Variants in MARCHF3 observed in about 807,000 individuals in gnomAD.
MARCHF3 encodes the protein membrane associated ring-CH-type finger 3.
A neutral mutation model predicts 24.2 loss-of-function variants in MARCHF3; 13 were observed. That is an observed-to-expected ratio of 0.54 (90% CI 0.35 to 0.85). MARCHF3 has a LOEUF of 0.85. Among genes scored for constraint, MARCHF3 ranks in the 40% least tolerant of loss-of-function variants. MARCHF3 has a pLI of 0.01. For synonymous variants in MARCHF3, 144 were observed against 137.3 expected (o/e 1.05, Z -0.34); for missense variants, 276 against 325.0 (o/e 0.85, Z 1.16).
At chr5:126,887,704 T>TCAGAAATAC (rs2126773196) in intron 3 of MARCHF3, among the ~76,000 whole-genome samples, 1 of 152,296 alleles carries the variant, frequency 6.6e-6, no homozygotes, top group Admixed American at 6.5e-5. Flanking sequence ...TCTTCCTGCC[T>TCAGAAATAC]CAGAAATACC....
rs188644258 is a variant in MARCHF3, at chr5:126,868,464, C to T, written c.*2169G>A. The T allele has an allele frequency of 1.1e-4, 16 of 152,360 alleles. No individual in the cohort carries two copies. Among genetic ancestry groups the T allele is most frequent in the Non-Finnish European group, 2.2e-4 (15 of 68,068 alleles). The allele number at this position is 152,360 out of a possible 1,614,324, so 9.4% of individuals were successfully genotyped here. A position where few individuals can be genotyped will look rare whatever the true frequency, so the allele number is the denominator to read the frequency against. ...GCAAACACGAAGGAAAGAGGTGTGGCACAGGCACAGTTTTAATGTGCAAAC... is the reference window on the plus strand; with the variant it reads ...GCAAACACGAAGGAAAGAGGTGTGGTACAGGCACAGTTTTAATGTGCAAAC... On this transcript the variant is annotated 3_prime_UTR_variant, in exon 5 of 5. Coordinates refer to ENST00000308660, the MANE Select transcript of MARCHF3 (RefSeq NM_178450.5).
At chr5:126,934,218 CT>C (rs1561435158) in intron 1 of MARCHF3, among the ~76,000 whole-genome samples, 1 of 151,980 alleles carries the variant, frequency 6.6e-6, no homozygotes, top group Non-Finnish European at 1.5e-5. Flanking sequence ...GGACCCATTG[CT>C]TTTTCACAAG....
At chr5:126,958,768 G>A (rs1413010697) in intron 1 of MARCHF3, among the ~76,000 whole-genome samples, 2 of 152,106 alleles carry the variant, frequency 1.3e-5, no homozygotes, top group African/African-American at 4.8e-5. Context: ...ACGGCCATTT[G>A]ACTGATTTTT....
intron 1 of MARCHF3, among the ~76,000 whole-genome samples, chr5:126,920,443 C>T (rs1749069843): frequency 6.6e-6 from 1 of 152,192 alleles, no homozygotes; most frequent in African/African-American, 2.4e-5. Context: ...CTTCACAAGG[C>T]AGCCATAGAT....
rs936112416 is a variant in MARCHF3, at chr5:126,918,747, T to G, written c.-56-520A>C. ...TTGGCCAAGTATTAATAGTATGTTC[T>G]AGGACAATATTTGCCAAACATGAAT... is the stretch of plus-strand genomic sequence containing the variant. On this transcript the variant is annotated intron_variant, in intron 1 of 4. Transcript: ENST00000308660. Among the ~76,000 whole-genome samples the G allele has an allele frequency of 7.9e-5, 12 of 152,370 alleles. No homozygotes were observed. The South Asian group carries it at 1.9e-3, about 24-fold the overall frequency.
At chr5:127,008,941 G>GC (rs1752398585) in intron 1 of MARCHF3, among the ~76,000 whole-genome samples, 1 of 150,272 alleles carries the variant, frequency 6.7e-6, no homozygotes, top group African/African-American at 2.5e-5. Context: ...TTTTAACCTT[G>GC]CAGCTTCAGC....
chr5:126,923,674 G>C (rs1394903830), intron 1 of MARCHF3, among the ~76,000 whole-genome samples: 3 of 152,190 alleles, frequency 2.0e-5, no homozygotes, highest in Admixed American at 6.5e-5. Context: ...TAAAGTTTCA[G>C]TCCAGCAAGA....
chr5:126,922,512 TTTTA>T (rs58540964), intron 1 of MARCHF3, among the ~76,000 whole-genome samples: 47,844 of 142,652 alleles, frequency 0.34, 8,490 homozygotes, highest in Middle Eastern at 0.46. Flanking sequence ...CATTTCTGTC[TTTTA>T]TTTATTTATT....
At chr5:126,883,471 A>G (rs1365322328) in intron 3 of MARCHF3, among the ~76,000 whole-genome samples, 1 of 152,222 alleles carries the variant, frequency 6.6e-6, no homozygotes, top group Non-Finnish European at 1.5e-5. Flanking sequence ...ATTCTTGGAA[A>G]TAAGTACAAT....
At chr5:126,887,903 C>CA (rs1311304969) in intron 3 of MARCHF3, among the ~76,000 whole-genome samples, 1 of 152,196 alleles carries the variant, frequency 6.6e-6, no homozygotes, top group African/African-American at 2.4e-5. Flanking sequence ...ATTATTCCTT[C>CA]ATAGCTTTTG....
At chr5:126,912,988 C>A (rs750560116) in intron 3 of MARCHF3, among the ~76,000 whole-genome samples, 2 of 152,196 alleles carry the variant, frequency 1.3e-5, no homozygotes, top group Non-Finnish European at 2.9e-5. Context: ...TTCTCAAGGT[C>A]ATTTGCCTTG....
chr5:127,008,474 A>G (rs1436420973), intron 1 of MARCHF3, among the ~76,000 whole-genome samples: 2 of 152,224 alleles, frequency 1.3e-5, no homozygotes, highest in Non-Finnish European at 2.9e-5. Flanking sequence ...GGTAACGTCA[A>G]TAAGTCTGTC....
rs1157308438 is a variant in MARCHF3 at position 127,017,679 on chromosome 5, T to A, written c.-57+12671A>T. 2.0e-5 allele frequency among the ~76,000 whole-genome samples: 3 copies of A among 152,338 alleles called. No homozygotes were observed. The East Asian group carries it at 5.8e-4, about 29-fold the overall frequency. The stretch of plus-strand genomic sequence containing the variant: ...CAGAATGGTTGTATGGGTACCATCA[T>A]AAAGTTGAAAAAAGTCAAACCATCA... On this transcript the variant is annotated intron_variant, in intron 1 of 4. Transcript: ENST00000308660.
In MARCHF3 at chr5:126,918,086, T is replaced by C. The variant is rs1220274205; in HGVS notation, c.86A>G (p.Asp29Gly). 6.2e-7 allele frequency: 1 copy of C among 1,614,164 alleles called. No individual in the cohort carries two copies. The highest frequency in any genetic ancestry group is 8.5e-7 in the Non-Finnish European group (1 of 1,180,030). ...CTGCCCATTCACTAGGCTGCCACAA[T>C]CCTCCACCGTCTTCACCACGGGTGC... ...SAAPVVKTVE[D>G]CGSLVNGQPQ... Residue 29 changes from aspartate to glycine, a missense_variant, in exon 2 of 5, where the codon GAT (aspartate) becomes GGT (glycine). Transcript: ENST00000308660.
chr5:126,907,949 C>T (rs1467766927), intron 3 of MARCHF3, among the ~76,000 whole-genome samples: 10 of 151,640 alleles, frequency 6.6e-5, no homozygotes, highest in East Asian at 1.9e-4. Context: ...GATTTTGCAG[C>T]GGCTGGTACC....
chr5:126,887,180 T>C (rs1167685487), intron 3 of MARCHF3, among the ~76,000 whole-genome samples: 2 of 152,202 alleles, frequency 1.3e-5, no homozygotes, highest in African/African-American at 4.8e-5. Flanking sequence ...TACAAAGCCC[T>C]GCATAGTTTA....
chr5:126,917,924 C>T, intron 2 of MARCHF3, 60 bp downstream of exon 2: 2 of 1,544,158 alleles, frequency 1.3e-6, no homozygotes, highest in East Asian at 2.3e-5. Context: ...TAGCATTTTC[C>T]ATCTGACAAA....
chr5:126,905,685 A>C (rs1463667308), intron 3 of MARCHF3, among the ~76,000 whole-genome samples: 1 of 151,970 alleles, frequency 6.6e-6, no homozygotes, highest in Non-Finnish European at 1.5e-5. Context: ...GACTTTGCTG[A>C]AGTTGCTTAT....
chr5:126,919,182 G>A lies in MARCHF3; in HGVS notation c.-56-955C>T, dbSNP rs1264905816. ...GTGCAGGCTTGGGTCATGACCTCAA[G>A]TTCAAAGCACTCAGACCCACTGGAG... is the stretch of plus-strand genomic sequence containing the variant. On this transcript the variant is annotated intron_variant, in intron 1 of 4. Transcript: ENST00000308660. Among the ~76,000 whole-genome samples, 12 of 152,304 alleles carry A rather than the reference G, an allele frequency of 7.9e-5. No individual in the cohort carries two copies. In the East Asian group the frequency reaches 2.1e-3, roughly 27 times the overall value.
Sources: gnomAD v4.1 joint callset for allele counts (sites outside exome capture counted in the v4.1 genomes callset) on GRCh38, gnomAD v4.1.1 for gene constraint, MANE v1.5 for transcripts, NCBI Gene and HGNC (gene_info 2026-07-23, HGNC 2026-07-21) for gene names.